EDIL3: variants seen among roughly 807,000 people sequenced by gnomAD.
EDIL3 encodes EGF-like repeat and discoidin I-like domain-containing protein 3.
A neutral mutation model predicts 67.4 loss-of-function variants in EDIL3; 37 were observed. The observed-to-expected ratio is 0.55, with a 90% CI of 0.42 to 0.72. The LOEUF is 0.72. EDIL3 is among the 30% of genes least tolerant of loss of function. The pLI, the probability that EDIL3 is intolerant of heterozygous loss-of-function variation, is 0.00. For missense variants in EDIL3, 527 were observed against 586.3 expected (o/e 0.90, Z 1.04); for synonymous variants, 195 against 196.3 (o/e 0.99, Z 0.05).
At chr5:84,048,100 A>C (rs936506212) in intron 9 of EDIL3, 2 of 281,812 alleles carry the variant, frequency 7.1e-6, no homozygotes, top group African/African-American at 4.5e-5. Flanking sequence ...GCTGTCTCAC[A>C]ATCATATACA....
rs73136218 is a variant in EDIL3, at chr5:84,095,957, A to C, written c.651+10692T>G. Reference sequence around the variant, plus strand: ...CTGTGTGCAGCCTAGGGACTTGGTAATAAATCGTTACAAATTTCTGTAGTA... The same window carrying C: ...CTGTGTGCAGCCTAGGGACTTGGTACTAAATCGTTACAAATTTCTGTAGTA... On this transcript the variant is annotated intron_variant, in intron 6 of 10. Transcript: ENST00000296591. Among the ~76,000 whole-genome samples, 849 of 152,190 alleles carry C rather than the reference A, an allele frequency of 5.6e-3. 9 individuals carry two copies. Among genetic ancestry groups the C allele is most frequent in the African/African-American group, 0.02 (811 of 41,538 alleles).
At chr5:84,125,216 G>C (rs992561845) in intron 5 of EDIL3, among the ~76,000 whole-genome samples, 1 of 151,758 alleles carries the variant, frequency 6.6e-6, no homozygotes, top group African/African-American at 2.4e-5. Context: ...AAACTGAATG[G>C]GTCTGTTTTC....
chr5:83,975,451 T>G (rs1023291738), intron 9 of EDIL3, among the ~76,000 whole-genome samples: 3 of 151,980 alleles, frequency 2.0e-5, no homozygotes, highest in Non-Finnish European at 2.9e-5. Flanking sequence ...TTTGCATATG[T>G]ATTCAAGATT....
chr5:84,070,173 C>T (rs765212226), intron 6 of EDIL3, among the ~76,000 whole-genome samples: 1 of 152,184 alleles, frequency 6.6e-6, no homozygotes, highest in Non-Finnish European at 1.5e-5. Context: ...AAACCTTGCA[C>T]TCATTCTCCA....
At chr5:84,333,990 A>G (rs184983918) in intron 1 of EDIL3, among the ~76,000 whole-genome samples, 12 of 152,242 alleles carry the variant, frequency 7.9e-5, no homozygotes, top group South Asian at 2.1e-4. Flanking sequence ...AGGTACCAGT[A>G]GCCAATGAAT....
intron 1 of EDIL3, among the ~76,000 whole-genome samples, chr5:84,323,457 T>TA (rs988367646): frequency 6.6e-6 from 1 of 151,704 alleles, no homozygotes; most frequent in Non-Finnish European, 1.5e-5. Flanking sequence ...TGTTTCAATA[T>TA]AAAAAATCAA....
chr5:84,243,200 T>C (rs1744833428), intron 2 of EDIL3, among the ~76,000 whole-genome samples: 2 of 152,230 alleles, frequency 1.3e-5, no homozygotes, highest in African/African-American at 2.4e-5. Flanking sequence ...ACAAAGACTA[T>C]CTGCCCACAC....
At chr5:84,139,889 G>A (rs1748159405) in intron 4 of EDIL3, among the ~76,000 whole-genome samples, 1 of 152,170 alleles carries the variant, frequency 6.6e-6, no homozygotes, top group South Asian at 2.1e-4. Context: ...GAAGAAGAAT[G>A]TTCATGATAT....
chr5:84,149,649 A>T (rs1252341992), intron 4 of EDIL3, among the ~76,000 whole-genome samples: 1 of 152,176 alleles, frequency 6.6e-6, no homozygotes, highest in Non-Finnish European at 1.5e-5. Context: ...ATTAACACTC[A>T]AGAAACAAAA....
chr5:84,316,907 T>C (rs1213538874), intron 1 of EDIL3, among the ~76,000 whole-genome samples: 1 of 152,130 alleles, frequency 6.6e-6, no homozygotes, highest in Non-Finnish European at 1.5e-5. Context: ...CACAACAAAC[T>C]GTCTCTCAGA....
intron 1 of EDIL3, among the ~76,000 whole-genome samples, chr5:84,347,618 A>C (rs1331952806): frequency 7.2e-5 from 11 of 152,222 alleles, no homozygotes; most frequent in Non-Finnish European, 1.6e-4. Flanking sequence ...AGTCACATTA[A>C]AGTCTAAAAT....
chr5:84,104,004 T>G (rs1747414149), intron 6 of EDIL3, among the ~76,000 whole-genome samples: 1 of 152,122 alleles, frequency 6.6e-6, no homozygotes, highest in South Asian at 2.1e-4. Context: ...AAAGAAAATC[T>G]GATACATAGA....
chr5:84,179,818 C>T (rs1287982574), intron 4 of EDIL3, among the ~76,000 whole-genome samples: 1 of 152,116 alleles, frequency 6.6e-6, no homozygotes. Flanking sequence ...ATGTTCACCC[C>T]TCCTTCTAAG....
intron 4 of EDIL3, among the ~76,000 whole-genome samples, chr5:84,178,627 T>A (rs1580363258): frequency 6.6e-6 from 1 of 152,350 alleles, no homozygotes; most frequent in East Asian, 1.9e-4. Context: ...AATTATCCAA[T>A]TTGTACGTCT....
intron 1 of EDIL3, among the ~76,000 whole-genome samples, chr5:84,283,144 G>T (rs572040872): frequency 6.6e-6 from 1 of 152,088 alleles, no homozygotes; most frequent in South Asian, 2.1e-4. Context: ...TAGAGCATAA[G>T]AAACATATAA....
chr5:84,182,307 A>AC, intron 3 of EDIL3, among the ~76,000 whole-genome samples: 2 of 149,658 alleles, frequency 1.3e-5, no homozygotes, highest in Non-Finnish European at 3.0e-5. Flanking sequence ...ACACACACAC[A>AC]AATCCAGGCA....
intron 3 of EDIL3, among the ~76,000 whole-genome samples, chr5:84,228,988 G>T (rs1370096638): frequency 6.6e-6 from 1 of 152,104 alleles, no homozygotes; most frequent in African/African-American, 2.4e-5. Context: ...TTACTAAAAA[G>T]AATCCATCTA....
chr5:84,121,523 T>TCACTAA (rs1747772992), intron 5 of EDIL3, among the ~76,000 whole-genome samples: 1 of 144,778 alleles, frequency 6.9e-6, no homozygotes, highest in South Asian at 2.3e-4. Context: ...TCTGACCAGT[T>TCACTAA]CACTAACTTA....
chr5:84,075,305 T>G lies in EDIL3; in HGVS notation c.652-8699A>C, dbSNP rs187159946. Among the ~76,000 whole-genome samples, 1,316 of 152,020 alleles carry G rather than the reference T, an allele frequency of 8.7e-3. 19 individuals carry two copies. Among genetic ancestry groups the G allele is most frequent in the African/African-American group, 0.03 (1,243 of 41,496 alleles). On this transcript the variant is annotated intron_variant, in intron 6 of 10. Transcript: ENST00000296591. ...CATGGCACATGTATACATATGTAAC[T>G]AACCTGCACATTGTGCACATGTACC...
Sources: gnomAD v4.1 joint callset for allele counts (sites outside exome capture counted in the v4.1 genomes callset) on GRCh38, gnomAD v4.1.1 for gene constraint, MANE v1.5 for transcripts, NCBI Gene and HGNC (gene_info 2026-07-23, HGNC 2026-07-21) for gene names.